NCAM1: variants seen among roughly 807,000 people sequenced by gnomAD.
NCAM1 encodes the protein antigen recognized by monoclonal antibody 5.1H11.
In NCAM1, 14 loss-of-function variants were observed where a neutral mutation model predicts 109.8. The observed-to-expected ratio is 0.13, with a 90% confidence interval of 0.08 to 0.20. The LOEUF is 0.20. Among genes scored for constraint, NCAM1 ranks in the 10% least tolerant of loss-of-function variants. The probability of loss-of-function intolerance (pLI) is 1.00; values close to 1 mark genes in which losing one functional copy is unlikely to be tolerated. For synonymous variants in NCAM1, 418 were observed against 442.9 expected (o/e 0.94, Z 0.70); for missense variants, 774 against 1,109.9 (o/e 0.70, Z 4.30).
At chr11:113,116,419 T>G (rs891989974) in intron 1 of NCAM1, among the ~76,000 whole-genome samples, 1 of 152,146 alleles carries the variant, frequency 6.6e-6, no homozygotes, top group Non-Finnish European at 1.5e-5. Flanking sequence ...ATCACAACAC[T>G]GCAAAGCCGC....
intron 1 of NCAM1, among the ~76,000 whole-genome samples, chr11:113,167,209 C>T (rs1252036082): frequency 6.6e-6 from 1 of 152,194 alleles, no homozygotes; most frequent in African/African-American, 2.4e-5. Flanking sequence ...TCATCACTGG[C>T]CTTCAATTTG....
chr11:113,102,839 T>C lies in NCAM1; in HGVS notation c.53-99540T>C, dbSNP rs76690300. Among the ~76,000 whole-genome samples the C allele has an allele frequency of 7.8e-4, 119 of 152,348 alleles. 1 individual carries two copies. The East Asian group carries it at 0.02, about 26-fold the overall frequency. On this transcript the variant is annotated intron_variant, in intron 1 of 19. Coordinates refer to ENST00000316851, the MANE Select transcript of NCAM1 (RefSeq NM_181351.5). ...ACATCTTTAAGACAAGGTGAGCTTG[T>C]AAATCTTTTAATTCTCATTCCAGAC...
In NCAM1 at chr11:113,207,394, A is replaced by G. The variant is rs75844619; in HGVS notation, c.746+16A>G. On this transcript the variant is annotated intron_variant, in intron 6 of 19. Coordinates refer to ENST00000316851, the MANE Select transcript of NCAM1 (RefSeq NM_181351.5). The stretch of plus-strand genomic sequence containing the variant: ...GCTGGACAAAGTAAGAAACTGGCTC[A>G]TACCTTTTATCATGGACTAGAGGAG... 1.1e-3 allele frequency: 1,819 copies of G among 1,593,812 alleles called. 20 individuals are homozygous for G. The African/African-American group carries it at 0.022, about 19-fold the overall frequency.
At chr11:113,261,539 A>G (rs995748192) in intron 17 of NCAM1, among the ~76,000 whole-genome samples, 7 of 152,126 alleles carry the variant, frequency 4.6e-5, no homozygotes, top group Admixed American at 4.6e-4. Context: ...CGCTGGTCAG[A>G]TGGTCGGTGC....
At chr11:113,104,111 A>G (rs1449939147) in intron 1 of NCAM1, among the ~76,000 whole-genome samples, 1 of 148,402 alleles carries the variant, frequency 6.7e-6, no homozygotes, top group East Asian at 2.0e-4. Flanking sequence ...TACTGCCTCC[A>G]GGATCTTTGG....
At chr11:113,199,142 G>GT (rs777129089) in intron 1 of NCAM1, among the ~76,000 whole-genome samples, 1 of 152,170 alleles carries the variant, frequency 6.6e-6, no homozygotes, top group African/African-American at 2.4e-5. Context: ...CGCAAGGAGT[G>GT]TTTATGGAAA....
At chr11:113,144,818 G>A in intron 1 of NCAM1, among the ~76,000 whole-genome samples, 1 of 152,206 alleles carries the variant, frequency 6.6e-6, no homozygotes, top group East Asian at 1.9e-4. Context: ...CACAAATCGT[G>A]TATGTAAAGA....
chr11:113,037,999 A>AC (rs782756118), intron 1 of NCAM1, among the ~76,000 whole-genome samples: 4 of 152,014 alleles, frequency 2.6e-5, no homozygotes, highest in Non-Finnish European at 4.4e-5. Context: ...GGCCAGGCTC[A>AC]CCCCTGCGGG....
chr11:113,269,381 TG>T (rs1946216278), intron 17 of NCAM1, among the ~76,000 whole-genome samples: 1 of 152,180 alleles, frequency 6.6e-6, no homozygotes, highest in Non-Finnish European at 1.5e-5. Context: ...CCTGTCTGCA[TG>T]GGCATTTATC....
intron 1 of NCAM1, among the ~76,000 whole-genome samples, chr11:113,113,117 G>C (rs1193211503): frequency 1.3e-5 from 2 of 152,144 alleles, no homozygotes; most frequent in African/African-American, 4.8e-5. Flanking sequence ...CTGGGGGACA[G>C]ACCAAGACTC....
chr11:112,992,600 G>A lies in NCAM1; in HGVS notation c.52+30936G>A, dbSNP rs566908823. On this transcript the variant is annotated intron_variant, in intron 1 of 19. Coordinates refer to ENST00000316851, the MANE Select transcript of NCAM1 (RefSeq NM_181351.5). ...CATTGCAAGCTCTGCCTCTGGGTTC[G>A]CACCATTCTCCTGCCTCAGCCTCCC... Among the ~76,000 whole-genome samples, 121 of 149,990 alleles carry A rather than the reference G, an allele frequency of 8.1e-4. 1 individual carries two copies. Among genetic ancestry groups the A allele is most frequent in the African/African-American group, 2.9e-3 (118 of 40,754 alleles).
intron 1 of NCAM1, among the ~76,000 whole-genome samples, chr11:113,030,496 T>C (rs1331925101): frequency 1.3e-5 from 2 of 152,190 alleles, no homozygotes; most frequent in Non-Finnish European, 2.9e-5. Flanking sequence ...TTATCTCTCA[T>C]TGATGGTTAA....
intron 15 of NCAM1, among the ~76,000 whole-genome samples, chr11:113,251,498 C>T (rs1413012930): frequency 6.6e-6 from 1 of 152,194 alleles, no homozygotes; most frequent in African/African-American, 2.4e-5. Flanking sequence ...ATGGTACGTT[C>T]TTTCTTTCTT....
At position 113,274,512 on chromosome 11, in the gene NCAM1, T is replaced by C. The variant is rs1435561606; in HGVS notation, c.2457-755T>C. On this transcript the variant is annotated intron_variant, in intron 19 of 19. Coordinates refer to ENST00000316851, the MANE Select transcript of NCAM1 (RefSeq NM_181351.5). The surrounding 1 kb of genome is among the most constrained non-coding windows in gnomAD (Gnocchi z 4.1). The stretch of plus-strand genomic sequence containing the variant: ...AGACCTAGATTTTTATAGAGGCTCC[T>C]ATGGCTGCTCCCCAGATAAGCTGCC... Among the ~76,000 whole-genome samples the C allele has an allele frequency of 6.6e-6, 1 of 152,198 alleles. No individual in the cohort carries two copies. The highest frequency in any genetic ancestry group is 1.5e-5 in the Non-Finnish European group (1 of 68,038).
At chr11:112,977,441 T>G (rs1332963580) in intron 1 of NCAM1, 1 of 151,820 alleles carries the variant, frequency 6.6e-6, no homozygotes, top group African/African-American at 2.4e-5. Flanking sequence ...CATTTGGAAT[T>G]TATAAAAAAT....
At chr11:113,037,479 A>G (rs1555079360) in intron 1 of NCAM1, among the ~76,000 whole-genome samples, 1 of 152,106 alleles carries the variant, frequency 6.6e-6, no homozygotes, top group East Asian at 1.9e-4. Context: ...GCAGCCTCAG[A>G]CTGGTGCTGG....
chr11:113,227,120 C>G, intron 9 of NCAM1, among the ~76,000 whole-genome samples: 1 of 148,452 alleles, frequency 6.7e-6, no homozygotes, highest in Non-Finnish European at 1.5e-5. Context: ...AAAAACCCTT[C>G]AAAAAATCAA....
intron 1 of NCAM1, among the ~76,000 whole-genome samples, chr11:113,128,906 G>GGTGTGTGTGTGT (rs782123739): frequency 3.5e-5 from 3 of 84,836 alleles, no homozygotes; most frequent in East Asian, 2.3e-4. Context: ...AAGTTGTGAG[G>GGTGTGTGTGTGT]GTGTGTGTGT....
At chr11:113,216,766 C>A (rs1018821152) in intron 8 of NCAM1, among the ~76,000 whole-genome samples, 1 of 152,256 alleles carries the variant, frequency 6.6e-6, no homozygotes, top group East Asian at 1.9e-4. Flanking sequence ...CTAAGTGAAA[C>A]CCTATATAAG....
Sources: gnomAD v4.1 joint callset for allele counts (sites outside exome capture counted in the v4.1 genomes callset) on GRCh38, gnomAD v4.1.1 for gene constraint, Gnocchi (gnomAD v3.1) non-coding constraint, MANE v1.5 for transcripts, NCBI Gene and HGNC (gene_info 2026-07-23, HGNC 2026-07-21) for gene names.